Variants in MYO15B observed in about 807,000 individuals in gnomAD.
MYO15B encodes the protein myosin XVB.
A neutral mutation model predicts 119.3 loss-of-function variants in MYO15B; 207 were observed. The ratio of observed to expected loss-of-function variants is 1.73; its 90% CI spans 1.55 to 1.95. The LOEUF is 1.95. Ranked by LOEUF, MYO15B falls within the 30% of genes most tolerant of loss-of-function variation. The pLI, the probability that MYO15B is intolerant of heterozygous loss-of-function variation, is 0.00. For missense variants in MYO15B, 2,264 were observed against 1,203.1 expected, an observed-to-expected ratio of 1.88 and a Z score of -13.04; for synonymous variants, 966 against 498.9, an observed-to-expected ratio of 1.94 and a Z score of -12.48.
At chr17:75,623,252 A>T (rs2058811277) in intron 53 of MYO15B, among the ~76,000 whole-genome samples, 1 of 152,054 alleles carries the variant, frequency 6.6e-6, no homozygotes, top group Admixed American at 6.5e-5. Context: ...AGAACCCAGG[A>T]GGGTGGAGGT....
At chr17:75,602,782 G>A (rs768059530) in intron 16 of MYO15B, 48 bp from the exon 17 acceptor site, 25 of 606,348 alleles carry the variant, frequency 4.1e-5, no homozygotes, top group Non-Finnish European at 5.6e-5. Context: ...CTGCAGGGTG[G>A]ATGGGCACGC....
At chr17:75,592,118 T>C (rs736525) in intron 6 of MYO15B, 38 bp downstream of exon 6, 259,849 of 702,048 alleles carry the variant, frequency 0.37, 51,223 homozygotes, top group African/African-American at 0.59. Flanking sequence ...TACAATCACT[T>C]ACCCTTCCTG....
Position 75,594,838 on chromosome 17 carries a change from A to G in MYO15B, c.3165-2A>G, listed in dbSNP as rs1195532367. 3 of 703,008 alleles carry G rather than the reference A, an allele frequency of 4.3e-6. No homozygotes were observed. Among genetic ancestry groups the G allele is most frequent in the Admixed American group, 2.0e-5 (1 of 50,018 alleles). The allele number at this position is 703,008 out of a possible 1,614,324, so 43.5% of individuals were successfully genotyped here. On this transcript the variant is annotated splice_acceptor_variant, in intron 11 of 63. Coordinates refer to ENST00000645453, the Ensembl canonical transcript of MYO15B. LOFTEE classifies it high-confidence loss of function. ...TGGCTCACCCACCCGCCATGCCTAC[A>G]GGGACGCCCTGGCCAAGGCACTGTA...
chr17:75,591,931 G>A (rs556654048), intron 5 of MYO15B, 46 bp from the exon 6 acceptor site: 2 of 693,132 alleles, frequency 2.9e-6, no homozygotes, highest in African/African-American at 1.7e-5. Flanking sequence ...CCTGCTGGTG[G>A]GGGCTACTGC....
Position 75,617,471 on chromosome 17 carries a change from T to A in MYO15B, c.6814+167T>A, listed in dbSNP as rs542418894. 8 of 551,816 alleles carry A rather than the reference T, an allele frequency of 1.4e-5. No homozygotes were observed. The East Asian group carries it at 2.1e-4, about 15-fold the overall frequency. 34.2% of individuals were successfully genotyped at this position (551,816 alleles called of 1,614,324 possible). A position where few individuals can be genotyped will look rare whatever the true frequency, so the allele number is the denominator to read the frequency against. On this transcript the variant is annotated intron_variant, in intron 41 of 63. Transcript: ENST00000645453. ...TAGCTGGGGAGTCCCAGCTTCCGCG[T>A]TCCCACCCAGGGCAGGGCCTGGGCA...
At chr17:75,625,063 C>A (rs2058949681) in intron 59 of MYO15B, 60 bp from the exon 60 acceptor site, 1 of 661,140 alleles carries the variant, frequency 1.5e-6, no homozygotes, top group Non-Finnish European at 2.8e-6. Flanking sequence ...GCCTCTAGAG[C>A]CACCAACTGA....
exon 28 of MYO15B, chr17:75,613,352 G>C: frequency 1.5e-6 from 1 of 674,832 alleles, no homozygotes. Context: ...AAGCTGCTGG[G>C]GGCCTTGGAG....
At chr17:75,621,633 C>T (rs1209637745) in intron 52 of MYO15B, 63 bp downstream of exon 52, 10 of 678,584 alleles carry the variant, frequency 1.5e-5, no homozygotes, top group South Asian at 4.5e-5. Context: ...GGTGTCTGGT[C>T]CCCTTATCTC....
At chr17:75,594,841 G>A (rs1215471197) in exon 12 of MYO15B, 2 of 702,932 alleles carry the variant, frequency 2.8e-6, no homozygotes, top group East Asian at 2.7e-5. Flanking sequence ...TGCCTACAGG[G>A]ACGCCCTGGC....
chr17:75,589,623 C>T lies in MYO15B; in HGVS notation c.1566C>T (p.Val522=). 2.5e-6 allele frequency: 1 copy of T among 398,928 alleles called. No homozygotes were observed. Among genetic ancestry groups the T allele is most frequent in the East Asian group, 3.6e-5 (1 of 28,074 alleles). The allele number at this position is 398,928 out of a possible 1,614,324, so 24.7% of individuals were successfully genotyped here. A position where few individuals can be genotyped will look rare whatever the true frequency, so the allele number is the denominator to read the frequency against. The change falls in exon 1 of 64, where the codon GTC becomes GTT. Residue 522 remains valine (V), a synonymous_variant. Coordinates refer to ENST00000645453, the Ensembl canonical transcript of MYO15B. The surrounding 1 kb of genome is among the most constrained non-coding windows in gnomAD (Gnocchi z 4.2). The stretch of plus-strand genomic sequence containing the variant: ...CCCCTGGTGGCCGCTCCCCGCAGGT[C>T]CCGACAAGCCCAGTCCCCGGCGACC...
At chr17:75,624,226 G>A (rs1438381640) in exon 56 of MYO15B, 1 of 702,970 alleles carries the variant, frequency 1.4e-6, no homozygotes, top group African/African-American at 1.7e-5. Flanking sequence ...AAATATGGGG[G>A]GCGCCGGCGG....
At position 75,611,586 on chromosome 17, in the gene MYO15B, A is replaced by G; in HGVS notation, c.4447-15A>G. 1 of 702,310 alleles carries G rather than the reference A, an allele frequency of 1.4e-6. No homozygotes were observed. Among genetic ancestry groups the G allele is most frequent in the South Asian group, 1.5e-5 (1 of 67,576 alleles). The allele number at this position is 702,310 out of a possible 1,614,324, so 43.5% of individuals were successfully genotyped here. On this transcript the variant is annotated splice_polypyrimidine_tract_variant and intron_variant, in intron 23 of 63. Coordinates refer to ENST00000645453, the Ensembl canonical transcript of MYO15B. ...CCCTCCTGTGGATCCTGGGTAAATG[A>G]GTCCCCTCTGCCAGGAGCTGGGGCG...
rs774923520 is a variant in MYO15B, at chr17:75,616,870, C to T, written c.6507-4C>T. ...ACTTAGTGACCTCTTGCTTCTCCCA[C>T]GAGGCCTCCCAAAGCTTTCCTGAGG... On this transcript the variant is annotated splice_region_variant and splice_polypyrimidine_tract_variant and intron_variant, in intron 39 of 63. Transcript: ENST00000645453. 1.8e-5 allele frequency: 13 copies of T among 702,976 alleles called. No individual in the cohort carries two copies. Among genetic ancestry groups the T allele is most frequent in the African/African-American group, 1.0e-4 (6 of 57,284 alleles). The allele number at this position is 702,976 out of a possible 1,614,324, so 43.5% of individuals were successfully genotyped here.
chr17:75,595,173 G>C (rs917989282), intron 12 of MYO15B: 64 of 599,272 alleles, frequency 1.1e-4, no homozygotes, highest in African/African-American at 1.0e-3. Flanking sequence ...AAAGGAGTGG[G>C]GCTGCCTCTG....
chr17:75,611,418 A>C (rs1311923553), intron 23 of MYO15B, among the ~76,000 whole-genome samples, 183 bp from the exon 24 acceptor site: 4 of 148,536 alleles, frequency 2.7e-5, no homozygotes, highest in African/African-American at 1.0e-4. Flanking sequence ...GCAGTGAGCC[A>C]TGATGGTACC....
chr17:75,596,478 C>T (rs938535911), exon 13 of MYO15B: 21 of 701,154 alleles, frequency 3.0e-5, no homozygotes, highest in Non-Finnish European at 4.9e-5. Flanking sequence ...GGTGAATGGC[C>T]TGGAGCAACT....
rs1477886524 is a variant in MYO15B, at chr17:75,598,014, T to TG, written c.3525+1121dup. On this transcript the variant is annotated intron_variant, in intron 14 of 63. Transcript: ENST00000645453. ...GGTGGGCGTGTGGGGCAGGGAGAGTTGGGGGGCGTCATGAGCCTCTAGGAG... is the reference window on the plus strand; with the variant it reads ...GGTGGGCGTGTGGGGCAGGGAGAGTTGGGGGGGCGTCATGAGCCTCTAGGAG... Among the ~76,000 whole-genome samples, 6 of 151,768 alleles carry TG rather than the reference T, an allele frequency of 4.0e-5. No individual in the cohort carries two copies. In the South Asian group the frequency reaches 8.3e-4, roughly 21 times the overall value.
intron 12 of MYO15B, among the ~76,000 whole-genome samples, chr17:75,596,177 A>G (rs931425483): frequency 2.6e-5 from 4 of 152,164 alleles, no homozygotes; most frequent in African/African-American, 9.7e-5. Flanking sequence ...TTTAGTAGGG[A>G]AAGTCGCCTT....
exon 1 of MYO15B, chr17:75,588,975 G>A (rs1360261264): frequency 1.0e-5 from 4 of 398,044 alleles, no homozygotes; most frequent in Non-Finnish European, 1.3e-5. Context: ...AGGTCGGAAA[G>A]GCGGTGGGGC....
Sources: gnomAD v4.1 joint callset for allele counts (sites outside exome capture counted in the v4.1 genomes callset) on GRCh38, gnomAD v4.1.1 for gene constraint, Gnocchi (gnomAD v3.1) non-coding constraint, MANE v1.5 for transcripts, NCBI Gene and HGNC (gene_info 2026-07-23, HGNC 2026-07-21) for gene names.